The following SERPINI1 variants were observed in gnomAD, a reference collection of about 807,000 sequenced individuals.
SERPINI1 encodes neuroserpin.
SERPINI1 carries 19 observed loss-of-function variants against 41.1 expected under a neutral mutation model. The observed-to-expected ratio is 0.46, with a 90% CI of 0.32 to 0.68. SERPINI1 has a LOEUF of 0.68. Among genes scored for constraint, SERPINI1 ranks in the 30% least tolerant of loss-of-function variants. The pLI, the probability that SERPINI1 is intolerant of heterozygous loss-of-function variation, is 0.03. For missense variants in SERPINI1, 460 were observed against 479.2 expected, an observed-to-expected ratio of 0.96 and a Z score of 0.37; for synonymous variants, 138 against 156.6, an observed-to-expected ratio of 0.88 and a Z score of 0.89.
intron 1 of SERPINI1, among the ~76,000 whole-genome samples, chr3:167,773,684 T>C (rs1041958343): frequency 2.6e-5 from 4 of 152,184 alleles, no homozygotes; most frequent in African/African-American, 9.7e-5. Context: ...TAGAAATACC[T>C]CTATTACAAT....
chr3:167,794,907 T>A, intron 5 of SERPINI1, 83 bp downstream of exon 5: 1 of 1,021,330 alleles, frequency 9.8e-7, no homozygotes, highest in Non-Finnish European at 1.5e-6. Flanking sequence ...CTCTTCGAAC[T>A]GCTTTCGAAT....
chr3:167,748,549 T>G (rs1416122565), intron 1 of SERPINI1, among the ~76,000 whole-genome samples: 1 of 152,020 alleles, frequency 6.6e-6, no homozygotes, highest in Non-Finnish European at 1.5e-5. Flanking sequence ...AAAAAGTAAA[T>G]AGTCATGCAA....
intron 3 of SERPINI1, among the ~76,000 whole-genome samples, chr3:167,792,201 A>T (rs185462275): frequency 2.9e-3 from 437 of 152,258 alleles, no homozygotes; most frequent in African/African-American, 0.01. Context: ...AGAGTTTTAC[A>T]TGCATCATTG....
chr3:167,755,754 A>C (rs2108536989), intron 1 of SERPINI1, among the ~76,000 whole-genome samples: 1 of 150,814 alleles, frequency 6.6e-6, no homozygotes, highest in East Asian at 1.9e-4. Flanking sequence ...GTAAACCTAA[A>C]GCCTATATTA....
intron 1 of SERPINI1, among the ~76,000 whole-genome samples, chr3:167,762,312 T>C (rs756584481): frequency 2.0e-5 from 3 of 152,036 alleles, no homozygotes; most frequent in Admixed American, 2.0e-4. Context: ...AATAATCAAC[T>C]TCCCCCTCCC....
At chr3:167,736,616 A>G (rs550177674) in intron 1 of SERPINI1, among the ~76,000 whole-genome samples, 1 of 152,192 alleles carries the variant, frequency 6.6e-6, no homozygotes. Context: ...TTCTCTGGGT[A>G]GAGAGTATGT....
intron 6 of SERPINI1, among the ~76,000 whole-genome samples, chr3:167,813,345 C>T (rs1415556067): frequency 6.6e-6 from 1 of 152,220 alleles, no homozygotes; most frequent in Non-Finnish European, 1.5e-5. Context: ...TGTCCCATTA[C>T]TTCTGGACAA....
chr3:167,737,736 A>T (rs1725525459), intron 1 of SERPINI1, among the ~76,000 whole-genome samples: 1 of 152,194 alleles, frequency 6.6e-6, no homozygotes, highest in Non-Finnish European at 1.5e-5. Flanking sequence ...AACAGTTAAT[A>T]AGCAAGCAAA....
chr3:167,796,517 C>A (rs1289631111), intron 5 of SERPINI1, among the ~76,000 whole-genome samples: 2 of 152,060 alleles, frequency 1.3e-5, no homozygotes, highest in East Asian at 3.9e-4. Flanking sequence ...TCCCCGCAAC[C>A]CCCTGACAGG....
chr3:167,741,186 T>A (rs1247677042), intron 1 of SERPINI1, among the ~76,000 whole-genome samples: 1 of 152,218 alleles, frequency 6.6e-6, no homozygotes, highest in Non-Finnish European at 1.5e-5. Context: ...CCCTTCTGGT[T>A]CTGCCTGGGA....
rs539192099 is a variant in SERPINI1 at position 167,817,890 on chromosome 3, C to T, written c.980-5096C>T. 2.7e-4 allele frequency among the ~76,000 whole-genome samples: 39 copies of T among 145,382 alleles called. No individual in the cohort carries two copies. In the Middle Eastern group the frequency reaches 0.014, roughly 51 times the overall value. On this transcript the variant is annotated intron_variant, in intron 6 of 8. Coordinates refer to ENST00000446050, the MANE Select transcript of SERPINI1 (RefSeq NM_001122752.2). ...CTGGGATTACAGGCGTGAGCCACCGCGCCCGGCCAAATTTTATAATTTACA... is the reference window on the plus strand; with the variant it reads ...CTGGGATTACAGGCGTGAGCCACCGTGCCCGGCCAAATTTTATAATTTACA...
At chr3:167,817,169 CT>C (rs1269374580) in intron 6 of SERPINI1, among the ~76,000 whole-genome samples, 1 of 152,118 alleles carries the variant, frequency 6.6e-6, no homozygotes, top group Non-Finnish European at 1.5e-5. Context: ...CATTTCTCTA[CT>C]GCTGAGTCAT....
intron 6 of SERPINI1, among the ~76,000 whole-genome samples, chr3:167,809,360 G>A (rs1025845030): frequency 2.6e-5 from 4 of 152,144 alleles, no homozygotes; most frequent in African/African-American, 4.8e-5. Context: ...AGTTTGATTA[G>A]TAATTCCTCA....
Position 167,793,592 on chromosome 3 carries a change from A to ATTTTT in SERPINI1, c.676+809_676+810insTTTTT, listed in dbSNP as rs1407073250. ...TCTCTACAAATATATATATATATATATATATTTTTAATTAGCTAGGCATAA... is the reference window on the plus strand; with the variant it reads ...TCTCTACAAATATATATATATATATATTTTTTATATTTTTAATTAGCTAGGCATAA... On this transcript the variant is annotated intron_variant, in intron 4 of 8. Coordinates refer to ENST00000446050, the MANE Select transcript of SERPINI1 (RefSeq NM_001122752.2). Among the ~76,000 whole-genome samples the ATTTTT allele has an allele frequency of 5.1e-3, 530 of 103,456 alleles. 2 individuals carry two copies. The highest frequency in any genetic ancestry group is 0.021 in the African/African-American group (491 of 22,954). 67.9% of individuals were successfully genotyped at this position (103,456 alleles called of 152,430 possible). A position where few individuals can be genotyped will look rare whatever the true frequency, so the allele number is the denominator to read the frequency against.
intron 1 of SERPINI1, among the ~76,000 whole-genome samples, chr3:167,749,232 T>G (rs1424675726): frequency 6.6e-6 from 1 of 152,216 alleles, no homozygotes; most frequent in Non-Finnish European, 1.5e-5. Context: ...TGTGTTTTTT[T>G]GCTCTAGTTT....
rs1255201990 is a variant in SERPINI1 at position 167,784,959 on chromosome 3, C to T, written c.-18-4152C>T. On this transcript the variant is annotated intron_variant, in intron 1 of 8. Coordinates refer to ENST00000446050, the MANE Select transcript of SERPINI1 (RefSeq NM_001122752.2). Reference sequence around the variant, plus strand: ...TAACTTGTTGTTAAAATGAGTGCTTCGCCCCAAGCATGGTGGCTCACACCT... The same window carrying T: ...TAACTTGTTGTTAAAATGAGTGCTTTGCCCCAAGCATGGTGGCTCACACCT... 4.6e-5 allele frequency among the ~76,000 whole-genome samples: 7 copies of T among 152,116 alleles called. No individual in the cohort carries two copies. The East Asian group carries it at 1.2e-3, about 25-fold the overall frequency.
chr3:167,798,598 A>C (rs948647052), intron 5 of SERPINI1, among the ~76,000 whole-genome samples: 1 of 152,192 alleles, frequency 6.6e-6, no homozygotes, highest in African/African-American at 2.4e-5. Flanking sequence ...AATGGTTTGC[A>C]TAGTTTTATC....
At chr3:167,813,877 T>A (rs761987611) in intron 6 of SERPINI1, among the ~76,000 whole-genome samples, 2 of 152,168 alleles carry the variant, frequency 1.3e-5, no homozygotes, top group African/African-American at 2.4e-5. Flanking sequence ...TCTCTCATAC[T>A]TCCTGCCCTC....
chr3:167,774,317 G>A (rs1726892600), intron 1 of SERPINI1, among the ~76,000 whole-genome samples: 1 of 152,040 alleles, frequency 6.6e-6, no homozygotes, highest in South Asian at 2.1e-4. Flanking sequence ...ATTTGCATTG[G>A]TGTCAGAATC....
Sources: allele counts gnomAD v4.1 joint callset (sites outside exome capture counted in the v4.1 genomes callset), GRCh38; gene constraint gnomAD v4.1.1; transcripts MANE v1.5; gene names NCBI Gene and HGNC (gene_info 2026-07-23, HGNC 2026-07-21).